CNTNAP3B: variants seen among roughly 807,000 people sequenced by gnomAD.
The protein encoded by CNTNAP3B is contactin associated protein family member 3B.
Under a neutral mutation model 108.9 loss-of-function variants are expected in CNTNAP3B, and 25 were observed. The observed-to-expected ratio is 0.23, with a 90% CI of 0.17 to 0.32. The LOEUF (loss-of-function observed/expected upper bound fraction) is 0.32. Ranked by LOEUF, CNTNAP3B falls within the 10% of genes least tolerant of loss-of-function variation. The pLI is 1.00. For synonymous variants in CNTNAP3B, 103 were observed against 473.4 expected, an observed-to-expected ratio of 0.22 and a Z score of 10.16; for missense variants, 252 against 1,210.4, an observed-to-expected ratio of 0.21 and a Z score of 11.75.
rs1355661774 is a variant in CNTNAP3B, at chr9:42,086,017, C to A, written c.197-8955G>T. On this transcript the variant is annotated intron_variant, in intron 2 of 23. Coordinates refer to ENST00000377561, the MANE Select transcript of CNTNAP3B (RefSeq NM_001201380.3). ...ACTGTATTAGTCCATCTTCACACTG[C>A]TGATGAAGACATATCTGAGACTGGG... 5.9e-4 allele frequency among the ~76,000 whole-genome samples: 82 copies of A among 140,108 alleles called. 11 individuals are homozygous for A. Among genetic ancestry groups the A allele is most frequent in the Admixed American group, 9.2e-4 (13 of 14,102 alleles). The allele number at this position is 140,108 out of a possible 152,430, so 91.9% of individuals were successfully genotyped here.
chr9:42,049,489 T>C (rs1459123536), intron 3 of CNTNAP3B, among the ~76,000 whole-genome samples: 2 of 133,980 alleles, frequency 1.5e-5, no homozygotes, highest in South Asian at 2.5e-4. Flanking sequence ...GTCTTCTCAG[T>C]TGCCTTCACA....
At chr9:42,056,646 A>T (rs1437958840) in intron 3 of CNTNAP3B, among the ~76,000 whole-genome samples, 2 of 138,460 alleles carry the variant, frequency 1.4e-5, no homozygotes, top group Non-Finnish European at 3.1e-5. Flanking sequence ...CACCGCGCCA[A>T]GCATTATCTC....
At chr9:41,932,390 C>T (rs1275937167) in intron 14 of CNTNAP3B, among the ~76,000 whole-genome samples, 18 of 151,986 alleles carry the variant, frequency 1.2e-4, no homozygotes, top group Admixed American at 1.1e-3. Flanking sequence ...AGTGTGAAAA[C>T]TTCTAAAAGC....
rs1241373159 is a variant in CNTNAP3B at position 42,121,046 on chromosome 9, G to T, written c.85+7964C>A. The stretch of plus-strand genomic sequence containing the variant: ...TTGTCTCTTGGCCTCTGCGATGCCT[G>T]CAGAAACCCAGTCGCAACCCATTCG... On this transcript the variant is annotated intron_variant, in intron 1 of 23. Transcript: ENST00000377561. Among the ~76,000 whole-genome samples the T allele has an allele frequency of 2.1e-4, 29 of 138,988 alleles. 5 individuals are homozygous for T. The highest frequency in any genetic ancestry group is 3.5e-4 in the Non-Finnish European group (23 of 64,852). 91.2% of individuals were successfully genotyped at this position (138,988 alleles called of 152,430 possible).
chr9:41,916,098 A>T (rs1349873897), intron 18 of CNTNAP3B, among the ~76,000 whole-genome samples: 4 of 146,570 alleles, frequency 2.7e-5, no homozygotes, highest in Non-Finnish European at 6.0e-5. Flanking sequence ...AAGAAACAAG[A>T]TCAAATAAAT....
intron 15 of CNTNAP3B, among the ~76,000 whole-genome samples, chr9:41,925,959 G>C (rs1483403905): frequency 6.6e-6 from 1 of 152,238 alleles, no homozygotes; most frequent in African/African-American, 2.4e-5. Flanking sequence ...TATTTACTAG[G>C]GTGTCATTGC....
intron 10 of CNTNAP3B, 82 bp from the exon 11 acceptor site, chr9:41,964,726 A>G: frequency 7.2e-6 from 11 of 1,534,178 alleles, no homozygotes; most frequent in Non-Finnish European, 9.7e-6. Flanking sequence ...GGTTAATGTG[A>G]AAGGCCAGCA....
chr9:41,954,278 T>G (rs1824789651), intron 12 of CNTNAP3B, among the ~76,000 whole-genome samples: 1 of 152,252 alleles, frequency 6.6e-6, no homozygotes, highest in Admixed American at 6.5e-5. Context: ...TGTGATACAT[T>G]TTACCTTGAG....
intron 17 of CNTNAP3B, among the ~76,000 whole-genome samples, chr9:41,922,284 T>A (rs1254788791): frequency 2.4e-5 from 3 of 122,832 alleles, no homozygotes; most frequent in African/African-American, 1.0e-4. Context: ...GCCAACATGG[T>A]AAAACTGTGT....
intron 14 of CNTNAP3B, among the ~76,000 whole-genome samples, chr9:41,937,114 T>TA (rs1226927528): frequency 0.078 from 10,922 of 140,542 alleles, 184 homozygotes; most frequent in East Asian, 0.11. Context: ...TATTTATTAA[T>TA]TTATTATTAT....
At chr9:41,925,657 GTATT>G (rs1564144863) in intron 15 of CNTNAP3B, among the ~76,000 whole-genome samples, 35 of 152,260 alleles carry the variant, frequency 2.3e-4, no homozygotes, top group Non-Finnish European at 4.1e-4. Context: ...ATTTATTTGT[GTATT>G]TATCCATTTG....
At chr9:42,088,797 G>A (rs1486589183) in intron 2 of CNTNAP3B, among the ~76,000 whole-genome samples, 1 of 138,926 alleles carries the variant, frequency 7.2e-6, no homozygotes, top group East Asian at 2.2e-4. Context: ...TTGTATTAAT[G>A]TTCTACTTTT....
chr9:42,066,240 C>T (rs1257512850), intron 3 of CNTNAP3B, among the ~76,000 whole-genome samples: 2 of 135,628 alleles, frequency 1.5e-5, no homozygotes, highest in South Asian at 2.5e-4. Context: ...CCTTTCTTTT[C>T]CCATGTAGCT....
intron 13 of CNTNAP3B, among the ~76,000 whole-genome samples, chr9:41,944,868 C>T (rs1456956474): frequency 9.9e-5 from 15 of 152,258 alleles, no homozygotes; most frequent in African/African-American, 3.6e-4. Context: ...GCAATCTACC[C>T]ATCTGACAAA....
intron 2 of CNTNAP3B, among the ~76,000 whole-genome samples, chr9:42,086,807 T>C (rs1438359161): frequency 1.3e-4 from 14 of 109,092 alleles, no homozygotes; most frequent in African/African-American, 4.8e-4. Flanking sequence ...CTAGGTTATA[T>C]GGTAAGTACA....
At chr9:41,931,217 T>C (rs1823968770) in intron 14 of CNTNAP3B, among the ~76,000 whole-genome samples, 1 of 152,284 alleles carries the variant, frequency 6.6e-6, no homozygotes, top group Non-Finnish European at 1.5e-5. Flanking sequence ...GAGTTGTACA[T>C]ATACTGGGGG....
At chr9:42,058,431 A>G (rs1452447198) in intron 3 of CNTNAP3B, among the ~76,000 whole-genome samples, 1 of 140,852 alleles carries the variant, frequency 7.1e-6, no homozygotes, top group African/African-American at 2.7e-5. Flanking sequence ...GTGATATCTC[A>G]TTGTGGTTCT....
At chr9:42,074,578 T>TA (rs1827445045) in intron 3 of CNTNAP3B, among the ~76,000 whole-genome samples, 1 of 149,140 alleles carries the variant, frequency 6.7e-6, no homozygotes, top group Non-Finnish European at 1.5e-5. Flanking sequence ...TAGTTGGTCA[T>TA]AGAGTAGGAA....
chr9:41,919,590 C>T (rs1190357322), intron 18 of CNTNAP3B, among the ~76,000 whole-genome samples: 1 of 152,310 alleles, frequency 6.6e-6, no homozygotes, highest in Non-Finnish European at 1.5e-5. Context: ...TAAGAAAAGA[C>T]ATTTCTATAA....
Sources: gnomAD v4.1 joint callset for allele counts (sites outside exome capture counted in the v4.1 genomes callset) on GRCh38, gnomAD v4.1.1 for gene constraint, MANE v1.5 for transcripts, NCBI Gene and HGNC (gene_info 2026-07-23, HGNC 2026-07-21) for gene names.